The following CTNNA2 variants were observed in gnomAD, a reference collection of about 807,000 sequenced individuals.
CTNNA2 encodes catenin alpha 2, also known as catenin alpha-2.
Under a neutral mutation model 101.0 loss-of-function variants are expected in CTNNA2, and 42 were observed. That is an observed-to-expected ratio of 0.42 (90% CI 0.32 to 0.54). The LOEUF is 0.54. CTNNA2 is among the 20% of genes least tolerant of loss of function. The pLI, the probability that CTNNA2 is intolerant of heterozygous loss-of-function variation, is 0.14. For missense variants in CTNNA2, 871 were observed against 1,223.1 expected (o/e 0.71, Z 4.29); for synonymous variants, 450 against 456.4 (o/e 0.99, Z 0.18).
In CTNNA2 at chr2:79,758,932, G is replaced by A. The variant is rs538004056; in HGVS notation, c.298+14350G>A. ...GTTAAACCATGCTGAATCTTGTTAG[G>A]TGCATGTTAATAAAAGGTCTCAGAT... On this transcript the variant is annotated intron_variant, in intron 3 of 18. Transcript: ENST00000402739. 2.6e-5 allele frequency among the ~76,000 whole-genome samples: 4 copies of A among 152,228 alleles called. 1 individual carries two copies. The South Asian group carries it at 8.3e-4, about 32-fold the overall frequency.
intron 4 of CTNNA2, among the ~76,000 whole-genome samples, chr2:79,464,722 C>T (rs1401787186): frequency 6.6e-6 from 1 of 152,150 alleles, no homozygotes; most frequent in Non-Finnish European, 1.5e-5. Context: ...ATTTGCATTT[C>T]TTTGATGGCC....
intron 6 of CTNNA2, among the ~76,000 whole-genome samples, chr2:79,904,411 A>G (rs1443459546): frequency 1.3e-5 from 2 of 152,226 alleles, no homozygotes; most frequent in Non-Finnish European, 2.9e-5. Context: ...AAAGGACAGC[A>G]TGACAGATAA....
At chr2:80,588,457 TGC>T (rs924039719) in intron 14 of CTNNA2, among the ~76,000 whole-genome samples, 1 of 152,230 alleles carries the variant, frequency 6.6e-6, no homozygotes, top group African/African-American at 2.4e-5. Context: ...TTTGCTGCTC[TGC>T]CCACATTTGC....
chr2:79,889,490 A>C (rs908330243), intron 6 of CTNNA2, among the ~76,000 whole-genome samples: 2 of 152,226 alleles, frequency 1.3e-5, no homozygotes, highest in Non-Finnish European at 2.9e-5. Context: ...TACATTGGCC[A>C]TGCTAAACAA....
chr2:80,093,163 C>A (rs981524036), intron 7 of CTNNA2, among the ~76,000 whole-genome samples: 2 of 152,006 alleles, frequency 1.3e-5, no homozygotes, highest in African/African-American at 2.4e-5. Flanking sequence ...GCTCCCCCAA[C>A]CCCACAACAG....
intron 4 of CTNNA2, among the ~76,000 whole-genome samples, chr2:79,479,311 A>G (rs1343710957): frequency 6.6e-6 from 1 of 152,184 alleles, no homozygotes; most frequent in Non-Finnish European, 1.5e-5. Flanking sequence ...ACCTTCCTCA[A>G]AATGTCCTTT....
intron 9 of CTNNA2, among the ~76,000 whole-genome samples, chr2:80,448,138 C>G (rs1272609060): frequency 1.3e-5 from 2 of 152,142 alleles, no homozygotes; most frequent in Non-Finnish European, 2.9e-5. Flanking sequence ...GCCCTGGGCT[C>G]TTTTCTAATT....
In CTNNA2 at chr2:79,814,828, T is replaced by C. The variant is rs574435261; in HGVS notation, c.299-43185T>C. Among the ~76,000 whole-genome samples the C allele has an allele frequency of 2.6e-5, 4 of 152,254 alleles. No individual in the cohort carries two copies. The East Asian group carries it at 7.7e-4, about 29-fold the overall frequency. On this transcript the variant is annotated intron_variant, in intron 3 of 18. Coordinates refer to ENST00000402739, the MANE Select transcript of CTNNA2 (RefSeq NM_001282597.3). The stretch of plus-strand genomic sequence containing the variant: ...ATTGCTGGATCAAATGGTAGTACTT[T>C]TAGTTCTTTAAGTAATCTCCACACT...
intron 3 of CTNNA2, among the ~76,000 whole-genome samples, chr2:79,332,673 TG>T: frequency 6.6e-6 from 1 of 152,356 alleles, no homozygotes; most frequent in South Asian, 2.1e-4. Context: ...TGTTGTATTT[TG>T]TTTTGTTTTT....
chr2:79,187,270 C>CTTTTTTTTTTTTTT lies in CTNNA2; in HGVS notation c.-524+1843_-524+1856dup, dbSNP rs781414965. On this transcript the variant is annotated intron_variant, in intron 1 of 21. Transcript: ENST00000466387. Reference sequence around the variant, plus strand: ...CTTTTCTTTTCTTTTCTTTTCTTTTCTTTTTTTTTTTTTTTTTGAGACAGA... The same window carrying CTTTTTTTTTTTTTT: ...CTTTTCTTTTCTTTTCTTTTCTTTTCTTTTTTTTTTTTTTTTTTTTTTTTTTTTTTTGAGACAGA... 6.4e-4 allele frequency among the ~76,000 whole-genome samples: 42 copies of CTTTTTTTTTTTTTT among 65,440 alleles called. 3 individuals carry two copies. The highest frequency in any genetic ancestry group is 2.0e-3 in the African/African-American group (28 of 13,954). 42.9% of individuals were successfully genotyped at this position (65,440 alleles called of 152,430 possible). A position where few individuals can be genotyped will look rare whatever the true frequency, so the allele number is the denominator to read the frequency against.
chr2:80,006,508 C>A (rs2103991646), intron 7 of CTNNA2, among the ~76,000 whole-genome samples: 1 of 152,224 alleles, frequency 6.6e-6, no homozygotes, highest in Non-Finnish European at 1.5e-5. Flanking sequence ...CTTATGGAGA[C>A]CAGGTTTCTC....
At chr2:80,162,746 T>C in intron 7 of CTNNA2, 2 of 1,607,700 alleles carry the variant, frequency 1.2e-6, no homozygotes, top group African/African-American at 2.7e-5. Flanking sequence ...AAAATCCTGA[T>C]TGATCCAGAG....
At chr2:80,421,925 C>T (rs933657933) in intron 9 of CTNNA2, among the ~76,000 whole-genome samples, 3 of 151,466 alleles carry the variant, frequency 2.0e-5, no homozygotes, top group Non-Finnish European at 4.4e-5. Context: ...ATGAAAAAGT[C>T]GGTTTGTATA....
At chr2:79,264,520 A>G (rs1674965815) in intron 2 of CTNNA2, among the ~76,000 whole-genome samples, 1 of 152,126 alleles carries the variant, frequency 6.6e-6, no homozygotes, top group African/African-American at 2.4e-5. Context: ...GAGGCATTAA[A>G]AAGAAAACTG....
At chr2:79,539,918 A>C (rs1673304710) in intron 1 of CTNNA2, among the ~76,000 whole-genome samples, 1 of 152,090 alleles carries the variant, frequency 6.6e-6, no homozygotes, top group African/African-American at 2.4e-5. Context: ...TGACTGCCCC[A>C]CCCAGGTCTT....
chr2:80,453,570 A>G lies in CTNNA2; in HGVS notation c.1290+33969A>G, dbSNP rs145373622. 1.5e-3 allele frequency among the ~76,000 whole-genome samples: 224 copies of G among 152,304 alleles called. 3 individuals are homozygous for G. Among genetic ancestry groups the G allele is most frequent in the African/African-American group, 5.1e-3 (212 of 41,574 alleles). ...TTAGCTCCACGAAAGCTGTTAAAAAAACAAACAAAATAAAACAGAAAAACA... is the reference window on the plus strand; with the variant it reads ...TTAGCTCCACGAAAGCTGTTAAAAAGACAAACAAAATAAAACAGAAAAACA... On this transcript the variant is annotated intron_variant, in intron 9 of 18. Coordinates refer to ENST00000402739, the MANE Select transcript of CTNNA2 (RefSeq NM_001282597.3).
chr2:80,560,536 A>T (rs11892188), intron 12 of CTNNA2, among the ~76,000 whole-genome samples: 4,709 of 152,186 alleles, frequency 0.031, 255 homozygotes, highest in African/African-American at 0.11. Context: ...CTTCCTGGTG[A>T]CTGCACTTGG....
chr2:80,302,339 G>C lies in CTNNA2; in HGVS notation c.1057-90872G>C. Reference sequence around the variant, plus strand: ...CACCAGGGCTCCCTCAATGTGGTTCGGTTTGTAATCAACGTAGTATTCCTG... The same window carrying C: ...CACCAGGGCTCCCTCAATGTGGTTCCGTTTGTAATCAACGTAGTATTCCTG... On this transcript the variant is annotated intron_variant, in intron 7 of 18. Coordinates refer to ENST00000402739, the MANE Select transcript of CTNNA2 (RefSeq NM_001282597.3). This position sits in a 1 kb window ranked among gnomAD's most constrained non-coding sequence, Gnocchi z 6.4. 1 of 1,614,202 alleles carries C rather than the reference G, an allele frequency of 6.2e-7. No homozygotes were observed. Among genetic ancestry groups the C allele is most frequent in the South Asian group, 1.1e-5 (1 of 91,082 alleles).
At chr2:79,409,091 T>C (rs560286241) in intron 4 of CTNNA2, among the ~76,000 whole-genome samples, 1 of 152,292 alleles carries the variant, frequency 6.6e-6, no homozygotes, top group East Asian at 1.9e-4. Flanking sequence ...GCTGCATAAA[T>C]GTCTTCTTTT....
Sources: gnomAD v4.1 joint callset for allele counts (sites outside exome capture counted in the v4.1 genomes callset) on GRCh38, gnomAD v4.1.1 for gene constraint, Gnocchi (gnomAD v3.1) non-coding constraint, MANE v1.5 for transcripts, NCBI Gene and HGNC (gene_info 2026-07-23, HGNC 2026-07-21) for gene names.